PDCD10: variants seen among roughly 807,000 people sequenced by gnomAD.
PDCD10 encodes programmed cell death 10.
A neutral mutation model predicts 29.2 loss-of-function variants in PDCD10; 4 were observed. The observed-to-expected ratio is 0.14, with a 90% confidence interval of 0.07 to 0.31. The LOEUF (loss-of-function observed/expected upper bound fraction) is 0.31, where lower values mean the gene tolerates loss of function less well. Ranked by LOEUF, PDCD10 falls within the 10% of genes least tolerant of loss-of-function variation. The probability of loss-of-function intolerance (pLI) is 1.00; values close to 1 mark genes in which losing one functional copy is unlikely to be tolerated. For missense variants in PDCD10, 183 were observed against 257.9 expected, an observed-to-expected ratio of 0.71 and a Z score of 1.99; for synonymous variants, 70 against 82.2, an observed-to-expected ratio of 0.85 and a Z score of 0.80.
intron 3 of PDCD10, among the ~76,000 whole-genome samples, chr3:167,710,413 A>G (rs914332741): frequency 3.3e-5 from 5 of 152,138 alleles, no homozygotes; most frequent in Admixed American, 2.6e-4. Flanking sequence ...AACATCAACC[A>G]TGGCCTAGCA....
chr3:167,703,577 A>G (rs1056628466), intron 4 of PDCD10, among the ~76,000 whole-genome samples: 1 of 152,154 alleles, frequency 6.6e-6, no homozygotes, highest in Non-Finnish European at 1.5e-5. Flanking sequence ...ACATTTAAAC[A>G]TTAAAATACT....
chr3:167,698,515 T>C (rs556255397), intron 4 of PDCD10, among the ~76,000 whole-genome samples: 10 of 151,998 alleles, frequency 6.6e-5, no homozygotes, highest in African/African-American at 2.2e-4. Flanking sequence ...CAGCCTATGA[T>C]ACAGAATAAG....
intron 6 of PDCD10, among the ~76,000 whole-genome samples, chr3:167,690,296 A>T (rs556234050): frequency 7.2e-5 from 11 of 152,338 alleles, no homozygotes; most frequent in African/African-American, 2.6e-4. Context: ...ATGCCACCCA[A>T]ATTTGCATGA....
chr3:167,719,558 T>C (rs1723362742), intron 3 of PDCD10, among the ~76,000 whole-genome samples: 1 of 152,170 alleles, frequency 6.6e-6, no homozygotes, highest in South Asian at 2.1e-4. Flanking sequence ...AATGATATCT[T>C]CCAAATATCG....
At chr3:167,728,447 C>A (rs934504417) in intron 2 of PDCD10, among the ~76,000 whole-genome samples, 1 of 152,148 alleles carries the variant, frequency 6.6e-6, no homozygotes, top group Non-Finnish European at 1.5e-5. Flanking sequence ...TAACTTCAAT[C>A]TCAGTTGAAT....
intron 2 of PDCD10, among the ~76,000 whole-genome samples, chr3:167,723,501 G>A (rs1310142856): frequency 1.3e-5 from 2 of 152,080 alleles, no homozygotes; most frequent in Non-Finnish European, 2.9e-5. Context: ...CATCTGAAAT[G>A]GCCTTAAAAA....
intron 2 of PDCD10, among the ~76,000 whole-genome samples, chr3:167,729,964 G>C (rs944406767): frequency 6.6e-6 from 1 of 152,018 alleles, no homozygotes; most frequent in African/African-American, 2.4e-5. Flanking sequence ...GAATGAAACT[G>C]AACAGCAGAA....
At position 167,704,996 on chromosome 3, in the gene PDCD10, T is replaced by G. The variant is rs1721835438; in HGVS notation, c.97-101A>C. The G allele has an allele frequency of 5.8e-6, 4 of 684,366 alleles. No homozygotes were observed. The Admixed American group carries it at 8.7e-5, about 15-fold the overall frequency. The allele number at this position is 684,366 out of a possible 1,614,324, so 42.4% of individuals were successfully genotyped here. A position where few individuals can be genotyped will look rare whatever the true frequency, so the allele number is the denominator to read the frequency against. Reference sequence around the variant, plus strand: ...GCAATCACATGAACACATTAAACATTTAATCAACATTCTTGTTAACAATTG... The same window carrying G: ...GCAATCACATGAACACATTAAACATGTAATCAACATTCTTGTTAACAATTG... On this transcript the variant is annotated intron_variant, in intron 3 of 8. Coordinates refer to ENST00000392750, the MANE Select transcript of PDCD10 (RefSeq NM_007217.4).
chr3:167,706,274 AG>A (rs1287886236), intron 3 of PDCD10, among the ~76,000 whole-genome samples: 1 of 152,248 alleles, frequency 6.6e-6, no homozygotes, highest in African/African-American at 2.4e-5. Context: ...CTGTGAGCTG[AG>A]AAGCACTTCA....
chr3:167,729,168 A>T lies in PDCD10; in HGVS notation c.-117+5046T>A, dbSNP rs77563177. Among the ~76,000 whole-genome samples, 1,208 of 152,240 alleles carry T rather than the reference A, an allele frequency of 7.9e-3. 90 individuals carry two copies. In the East Asian group the frequency reaches 0.17, roughly 22 times the overall value. ...TTGTGACTCTTGTATTATAATATAC[A>T]TATTTCTTTTTTCAATATGGTCTCT... On this transcript the variant is annotated intron_variant, in intron 2 of 8. Coordinates refer to ENST00000392750, the MANE Select transcript of PDCD10 (RefSeq NM_007217.4).
chr3:167,731,644 G>C (rs1724826608), intron 2 of PDCD10, among the ~76,000 whole-genome samples: 2 of 152,212 alleles, frequency 1.3e-5, no homozygotes, highest in South Asian at 2.1e-4. Context: ...CAATGTGCCA[G>C]GTACTGCGTA....
At chr3:167,719,926 C>T (rs1219390396) in intron 3 of PDCD10, 136 bp downstream of exon 3, 1 of 716,064 alleles carries the variant, frequency 1.4e-6, no homozygotes, top group African/African-American at 1.8e-5. Flanking sequence ...ATTTTTTGCC[C>T]TGATACAATG....
At chr3:167,686,418 G>C (rs968892848) in intron 8 of PDCD10, among the ~76,000 whole-genome samples, 10 of 152,112 alleles carry the variant, frequency 6.6e-5, no homozygotes, top group Non-Finnish European at 1.0e-4. Context: ...AAAAACATCT[G>C]GGGCACTTTT....
chr3:167,686,380 G>C (rs1181986599), intron 8 of PDCD10, among the ~76,000 whole-genome samples: 1 of 152,098 alleles, frequency 6.6e-6, no homozygotes, highest in Non-Finnish European at 1.5e-5. Flanking sequence ...CTTTCCAGGA[G>C]AGTGGGTCAA....
At chr3:167,703,054 A>T (rs1721603562) in intron 4 of PDCD10, among the ~76,000 whole-genome samples, 1 of 152,126 alleles carries the variant, frequency 6.6e-6, no homozygotes, top group African/African-American at 2.4e-5. Flanking sequence ...TATTTTATGA[A>T]TGTCATTGAA....
intron 4 of PDCD10, among the ~76,000 whole-genome samples, chr3:167,702,369 G>C (rs937879033): frequency 6.6e-6 from 1 of 152,110 alleles, no homozygotes; most frequent in African/African-American, 2.4e-5. Context: ...TTTCTCTTAT[G>C]ATTTTCTTAA....
At chr3:167,727,196 G>A (rs1022319034) in intron 2 of PDCD10, among the ~76,000 whole-genome samples, 1 of 152,154 alleles carries the variant, frequency 6.6e-6, no homozygotes, top group Non-Finnish European at 1.5e-5. Context: ...TTTATAATCT[G>A]TACAAGATAA....
At chr3:167,708,218 T>C (rs1252918271) in intron 3 of PDCD10, among the ~76,000 whole-genome samples, 1 of 151,806 alleles carries the variant, frequency 6.6e-6, no homozygotes, top group Non-Finnish European at 1.5e-5. Context: ...TCTCCAAAAG[T>C]ATCAGTTTCT....
chr3:167,686,601 T>C (rs1246098398), intron 8 of PDCD10, among the ~76,000 whole-genome samples: 3 of 152,186 alleles, frequency 2.0e-5, no homozygotes, highest in Non-Finnish European at 4.4e-5. Context: ...AGACCTGTAA[T>C]GTATCACCTG....
Sources: gnomAD v4.1 joint callset for allele counts (sites outside exome capture counted in the v4.1 genomes callset) on GRCh38, gnomAD v4.1.1 for gene constraint, MANE v1.5 for transcripts, NCBI Gene and HGNC (gene_info 2026-07-23, HGNC 2026-07-21) for gene names.